Variants in HACD2 observed in about 807,000 individuals in gnomAD.
HACD2 encodes the protein very-long-chain (3R)-3-hydroxyacyl-CoA dehydratase 2.
In HACD2, 15 loss-of-function variants were observed where a neutral mutation model predicts 31.0. The observed-to-expected ratio is 0.48, with a 90% CI of 0.32 to 0.75. The LOEUF (loss-of-function observed/expected upper bound fraction) is 0.75. HACD2 is among the 30% of genes least tolerant of loss of function. HACD2 has a pLI of 0.03. For missense variants in HACD2, 283 were observed against 313.0 expected, an observed-to-expected ratio of 0.90 and a Z score of 0.72; for synonymous variants, 115 against 122.2, an observed-to-expected ratio of 0.94 and a Z score of 0.39.
chr3:123,545,016 G>A (rs2056540209), intron 3 of HACD2, among the ~76,000 whole-genome samples: 1 of 109,466 alleles, frequency 9.1e-6, no homozygotes, highest in South Asian at 3.4e-4. Flanking sequence ...CGAAGCTGTA[G>A]TAAGAGAGAC....
At chr3:123,518,511 TA>T (rs1576744188) in intron 4 of HACD2, among the ~76,000 whole-genome samples, 1 of 152,356 alleles carries the variant, frequency 6.6e-6, no homozygotes. Context: ...TCTAAAGTTT[TA>T]AAAACTTTAG....
intron 3 of HACD2, among the ~76,000 whole-genome samples, chr3:123,534,897 T>C (rs959707727): frequency 6.6e-6 from 1 of 152,076 alleles, no homozygotes; most frequent in African/African-American, 2.4e-5. Context: ...ACGTAAAGTA[T>C]TTCTGTACAG....
At chr3:123,547,886 A>G (rs1158946844) in intron 3 of HACD2, among the ~76,000 whole-genome samples, 1 of 152,138 alleles carries the variant, frequency 6.6e-6, no homozygotes, top group Admixed American at 6.6e-5. Context: ...TCTGTGAGGT[A>G]GGCACCATTT....
chr3:123,557,502 G>A (rs1336373361), intron 3 of HACD2, among the ~76,000 whole-genome samples: 1 of 152,158 alleles, frequency 6.6e-6, no homozygotes, highest in Non-Finnish European at 1.5e-5. Context: ...AGCTGGGCAT[G>A]GTGGCTCACA....
chr3:123,532,499 C>T (rs1576756298), intron 3 of HACD2, among the ~76,000 whole-genome samples: 1 of 152,142 alleles, frequency 6.6e-6, no homozygotes, highest in East Asian at 1.9e-4. Flanking sequence ...GAGCTGGCAT[C>T]ACCAAGTTGG....
At chr3:123,576,464 G>T (rs1285144151) in intron 2 of HACD2, among the ~76,000 whole-genome samples, 1 of 152,092 alleles carries the variant, frequency 6.6e-6, no homozygotes, top group Non-Finnish European at 1.5e-5. Flanking sequence ...TTTTCACACT[G>T]TTTGAGAAGC....
chr3:123,504,994 G>A (rs757676411), intron 4 of HACD2, among the ~76,000 whole-genome samples: 17 of 152,192 alleles, frequency 1.1e-4, no homozygotes, highest in Admixed American at 2.0e-4. Context: ...AGAAACCCAG[G>A]TGTGTACTGA....
intron 2 of HACD2, among the ~76,000 whole-genome samples, chr3:123,570,571 C>T (rs912959589): frequency 3.3e-5 from 5 of 152,178 alleles, no homozygotes; most frequent in Non-Finnish European, 7.3e-5. Context: ...GAGTACATTA[C>T]TATTTCAAAT....
intron 2 of HACD2, among the ~76,000 whole-genome samples, chr3:123,579,106 T>C (rs1309644030): frequency 1.3e-5 from 2 of 152,204 alleles, no homozygotes; most frequent in African/African-American, 4.8e-5. Flanking sequence ...TTAGTGGGGA[T>C]AACAGAGATA....
intron 3 of HACD2, among the ~76,000 whole-genome samples, chr3:123,567,523 T>C (rs2056804556): frequency 6.6e-6 from 1 of 152,210 alleles, no homozygotes; most frequent in Admixed American, 6.5e-5. Flanking sequence ...GGGAGACACC[T>C]CTTTTAAATT....
intron 4 of HACD2, among the ~76,000 whole-genome samples, chr3:123,511,542 T>A (rs540751002): frequency 3.3e-5 from 5 of 152,282 alleles, no homozygotes; most frequent in Admixed American, 3.3e-4. Flanking sequence ...GAATAGAGAA[T>A]AATAGGATTT....
intron 2 of HACD2, among the ~76,000 whole-genome samples, chr3:123,568,314 G>A (rs2056814259): frequency 6.6e-6 from 1 of 152,158 alleles, no homozygotes; most frequent in Non-Finnish European, 1.5e-5. Flanking sequence ...TGTCTCCTGG[G>A]GATCTGGGCC....
At position 123,494,550 on chromosome 3, in the gene HACD2, T is replaced by G. The variant is rs369647038; in HGVS notation, c.*338A>C. The G allele has an allele frequency of 1.2e-5, 4 of 320,598 alleles. No homozygotes were observed. 19.9% of individuals were successfully genotyped at this position (320,598 alleles called of 1,614,324 possible). On this transcript the variant is annotated 3_prime_UTR_variant, in exon 7 of 7. Coordinates refer to ENST00000383657, the MANE Select transcript of HACD2 (RefSeq NM_198402.5). ...GACTTCATTATTCAGACTGTAACTCTCAAGTACTTAGTGTTACAGGTCTTC... is the reference window on the plus strand; with the variant it reads ...GACTTCATTATTCAGACTGTAACTCGCAAGTACTTAGTGTTACAGGTCTTC...
intron 2 of HACD2, among the ~76,000 whole-genome samples, chr3:123,576,621 C>T (rs1220425687): frequency 6.6e-6 from 1 of 152,158 alleles, no homozygotes. Context: ...ATGCATGTAG[C>T]TTGCATTTCA....
chr3:123,537,665 T>C (rs1214747816), intron 3 of HACD2, among the ~76,000 whole-genome samples: 3 of 151,866 alleles, frequency 2.0e-5, no homozygotes, highest in Admixed American at 6.6e-5. Context: ...TAATGAAAAA[T>C]GTCTTTTTCA....
At chr3:123,514,716 C>T (rs1429624023) in intron 4 of HACD2, among the ~76,000 whole-genome samples, 1 of 152,144 alleles carries the variant, frequency 6.6e-6, no homozygotes, top group Non-Finnish European at 1.5e-5. Context: ...AGGTCACAAA[C>T]TTGCTTTGAA....
At chr3:123,540,603 A>C (rs983725267) in intron 3 of HACD2, among the ~76,000 whole-genome samples, 1 of 152,214 alleles carries the variant, frequency 6.6e-6, no homozygotes, top group African/African-American at 2.4e-5. Context: ...ACTTACTCAA[A>C]TCTCTGTATT....
At chr3:123,583,832 G>A (rs1302084403) in intron 1 of HACD2, among the ~76,000 whole-genome samples, 2 of 152,136 alleles carry the variant, frequency 1.3e-5, no homozygotes, top group East Asian at 1.9e-4. Context: ...AAAGGTGGGA[G>A]GAAAGATTTT....
intron 4 of HACD2, among the ~76,000 whole-genome samples, chr3:123,511,534 A>T (rs530180913): frequency 2.6e-5 from 4 of 152,332 alleles, no homozygotes; most frequent in African/African-American, 9.6e-5. Flanking sequence ...TGAAAAGGGA[A>T]TAGAGAATAA....
Sources: gnomAD v4.1 joint callset for allele counts (sites outside exome capture counted in the v4.1 genomes callset) on GRCh38, gnomAD v4.1.1 for gene constraint, MANE v1.5 for transcripts, NCBI Gene and HGNC (gene_info 2026-07-23, HGNC 2026-07-21) for gene names.